PRKAR1A: variants seen among roughly 807,000 people sequenced by gnomAD.
The protein encoded by PRKAR1A is cAMP-dependent protein kinase type I-alpha regulatory subunit.
In PRKAR1A, 3 loss-of-function variants were observed where a neutral mutation model predicts 52.0. The observed-to-expected ratio is 0.06, with a 90% CI of 0.03 to 0.15. The LOEUF is 0.15. PRKAR1A is among the 10% of genes least tolerant of loss of function. PRKAR1A has a pLI of 1.00. For missense variants in PRKAR1A, 240 were observed against 477.4 expected (o/e 0.50, Z 4.63); for synonymous variants, 188 against 168.4 (o/e 1.12, Z -0.90).
the PRKAR1A span, chr17:68,440,844 T>C: frequency 1.4e-4 from 22 of 152,366 alleles, no homozygotes; most frequent in African/African-American, 5.3e-4. Context: ...CAGTGATTTA[T>C]AAAATGCAGT....
At chr17:68,533,761 C>A (rs1399802871), downstream of PRKAR1A, among the ~76,000 whole-genome samples, 1 of 152,192 alleles carries the variant, frequency 6.6e-6, no homozygotes, top group Non-Finnish European at 1.5e-5. Flanking sequence ...CTAAGATGGT[C>A]TCACTCTGTC....
chr17:68,456,484 G>T, the PRKAR1A span, among the ~76,000 whole-genome samples: 1 of 142,172 alleles, frequency 7.0e-6, no homozygotes, highest in African/African-American at 2.6e-5. Context: ...CCCAGGGCTC[G>T]CTTCCATGAA....
downstream of PRKAR1A, chr17:68,537,588 G>A: frequency 6.2e-7 from 1 of 1,613,638 alleles, no homozygotes; most frequent in Non-Finnish European, 8.5e-7. This position sits in a 1 kb window ranked among gnomAD's most constrained non-coding sequence, Gnocchi z 4.2. Flanking sequence ...CTGTCCTTAG[G>A]ATGGTTTGGA....
chr17:68,528,663 G>A (rs1303016317), intron 8 of PRKAR1A: 5 of 622,544 alleles, frequency 8.0e-6, no homozygotes, highest in African/African-American at 5.5e-5. Flanking sequence ...CTGGGCTACC[G>A]AAGTAAGGAT....
rs1440840830 is a variant in PRKAR1A, at chr17:68,542,490, C to T, written c.974-8594C>T. 4.6e-5 allele frequency among the ~76,000 whole-genome samples: 7 copies of T among 152,096 alleles called. No individual in the cohort carries two copies. The East Asian group carries it at 1.3e-3, about 29-fold the overall frequency. Reference sequence around the variant, plus strand: ...GTCAATGCCCACACAGACTAGGTAGCATCTCAAACACAACCTTTCCCATCC... The same window carrying T: ...GTCAATGCCCACACAGACTAGGTAGTATCTCAAACACAACCTTTCCCATCC... On this transcript the variant is annotated intron_variant, in intron 11 of 11. Transcript: ENST00000585981.
At chr17:68,439,857 C>A in the PRKAR1A span, among the ~76,000 whole-genome samples, 1 of 152,122 alleles carries the variant, frequency 6.6e-6, no homozygotes, top group Non-Finnish European at 1.5e-5. Context: ...GCCAAGCCTT[C>A]GTTTCTTACT....
chr17:68,450,143 C>T, the PRKAR1A span, among the ~76,000 whole-genome samples: 1 of 144,878 alleles, frequency 6.9e-6, no homozygotes, highest in African/African-American at 2.6e-5. Flanking sequence ...CAGAATAATC[C>T]TTCAACAAAG....
At chr17:68,500,510 TA>T in the PRKAR1A span, among the ~76,000 whole-genome samples, 1 of 114,812 alleles carries the variant, frequency 8.7e-6, no homozygotes, top group Non-Finnish European at 1.8e-5. Flanking sequence ...CAGTCTCGAG[TA>T]TTTTTTTTTT....
At chr17:68,467,548 G>A in the PRKAR1A span, among the ~76,000 whole-genome samples, 4 of 152,116 alleles carry the variant, frequency 2.6e-5, no homozygotes, top group East Asian at 1.9e-4. Flanking sequence ...ACCAGTGCTC[G>A]ATGCCCCAGC....
In PRKAR1A at chr17:68,522,881, C is replaced by T. The variant is rs1294747986; in HGVS notation, c.303C>T (p.Ser101=). Residue 101 remains serine (S), a synonymous_variant, in exon 3 of 11, where the codon AGC becomes AGT. Transcript: ENST00000589228. ...GTAGGAGGCGACGAGGTGCTATCAG[C>T]GCTGAGGTCTACACGGAGGAAGATG... ...VKGRRRRGAI[S]AEVYTEEDAA... 4.3e-6 allele frequency: 7 copies of T among 1,613,694 alleles called. No individual in the cohort carries two copies. The highest frequency in any genetic ancestry group is 1.1e-5 in the South Asian group (1 of 91,076).
intron 11 of PRKAR1A, among the ~76,000 whole-genome samples, chr17:68,544,556 A>G (rs1460011959): frequency 6.6e-6 from 1 of 152,240 alleles, no homozygotes; most frequent in Admixed American, 6.5e-5. Flanking sequence ...TTAGATGTAA[A>G]TAAACGTGAT....
downstream of PRKAR1A, chr17:68,535,356 T>C (rs73363208): frequency 3.5e-3 from 1,571 of 454,096 alleles, 18 homozygotes; most frequent in African/African-American, 0.029. Flanking sequence ...CAGCAAAATG[T>C]GTATATAGGC....
chr17:68,444,359 C>G, the PRKAR1A span: 1 of 763,218 alleles, frequency 1.3e-6, no homozygotes, highest in Non-Finnish European at 2.2e-6. Context: ...TAAGACAAAG[C>G]TTCGAGATAA....
At chr17:68,537,854 G>A, downstream of PRKAR1A, 1 of 1,214,902 alleles carries the variant, frequency 8.2e-7, no homozygotes. The surrounding 1 kb of genome is among the most constrained non-coding windows in gnomAD (Gnocchi z 4.2). Context: ...GCCTCTCCTT[G>A]TGTCTTCTCA....
rs554403166 is a variant in PRKAR1A at position 68,532,801 on chromosome 17, C to T, written c.*2352C>T. On this transcript the variant is annotated 3_prime_UTR_variant, in exon 11 of 11. Coordinates refer to ENST00000589228, the MANE Select transcript of PRKAR1A (RefSeq NM_002734.5). Reference sequence around the variant, plus strand: ...CAGTTTTTCTTCCCTTTCTCCTTTCCGTCTTTCCTCTCTCTGTCCTTCCCC... The same window carrying T: ...CAGTTTTTCTTCCCTTTCTCCTTTCTGTCTTTCCTCTCTCTGTCCTTCCCC... 1.1e-5 allele frequency: 12 copies of T among 1,066,202 alleles called. 1 individual carries two copies. The highest frequency in any genetic ancestry group is 5.3e-5 in the Admixed American group (1 of 18,738). 66.0% of individuals were successfully genotyped at this position (1,066,202 alleles called of 1,614,324 possible).
At chr17:68,434,655 T>TA in the PRKAR1A span, 1 of 1,611,662 alleles carries the variant, frequency 6.2e-7, no homozygotes, top group East Asian at 2.2e-5. Flanking sequence ...GGACATTTCA[T>TA]AACCATTAGT....
At chr17:68,422,043 CTGTG>C in the PRKAR1A span, 49 of 584,974 alleles carry the variant, frequency 8.4e-5, no homozygotes, top group African/African-American at 1.1e-4. Context: ...AAAAATGTCT[CTGTG>C]TGTGTGTGTA....
chr17:68,499,368 A>AAG, the PRKAR1A span, among the ~76,000 whole-genome samples: 12,263 of 140,320 alleles, frequency 0.087, 541 homozygotes, highest in Middle Eastern at 0.11. Context: ...AAGGGAGGAA[A>AAG]AGAGAGAGAG....
the PRKAR1A span, chr17:68,457,268 G>A: frequency 6.6e-7 from 1 of 1,506,104 alleles, no homozygotes; most frequent in Non-Finnish European, 8.9e-7. Flanking sequence ...GCCACAAGCT[G>A]CTCTCAGGAC....
Sources: allele counts gnomAD v4.1 joint callset (sites outside exome capture counted in the v4.1 genomes callset), GRCh38; gene constraint gnomAD v4.1.1; non-coding constraint Gnocchi (gnomAD v3.1); transcripts MANE v1.5; gene names NCBI Gene and HGNC (gene_info 2026-07-23, HGNC 2026-07-21).